The following NPAS3 variants were observed in gnomAD, a reference collection of about 807,000 sequenced individuals.
NPAS3 encodes the protein neuronal PAS domain protein 3.
In NPAS3, 14 loss-of-function variants were observed where a neutral mutation model predicts 73.1. That is an observed-to-expected ratio of 0.19 (90% CI 0.13 to 0.30). The LOEUF (loss-of-function observed/expected upper bound fraction) is 0.30. NPAS3 is among the 10% of genes least tolerant of loss of function. NPAS3 has a pLI of 1.00. For missense variants in NPAS3, 1,096 were observed against 1,250.0 expected (o/e 0.88, Z 1.86); for synonymous variants, 620 against 541.5 (o/e 1.14, Z -2.01).
At chr14:33,257,391 T>G (rs1481242974) in intron 3 of NPAS3, among the ~76,000 whole-genome samples, 4 of 152,280 alleles carry the variant, frequency 2.6e-5, no homozygotes, top group East Asian at 1.9e-4. Flanking sequence ...CTTTGGTAAT[T>G]TCCGTTCCCT....
chr14:33,228,230 T>TTCTA (rs1296021193), intron 3 of NPAS3, among the ~76,000 whole-genome samples: 1 of 152,218 alleles, frequency 6.6e-6, no homozygotes, highest in Non-Finnish European at 1.5e-5. Flanking sequence ...TTTGGGGGAA[T>TTCTA]TCTAGCATGT....
chr14:32,937,050 C>A (rs2035718909), upstream of NPAS3, among the ~76,000 whole-genome samples: 1 of 149,372 alleles, frequency 6.7e-6, no homozygotes, highest in African/African-American at 2.5e-5. Context: ...ATGTAGCCTT[C>A]TTTGATTTTG....
chr14:33,050,845 G>A (rs1033480010), intron 1 of NPAS3, among the ~76,000 whole-genome samples: 3 of 152,198 alleles, frequency 2.0e-5, no homozygotes, highest in African/African-American at 7.2e-5. Context: ...GTTATTAAAA[G>A]CTAATGTACT....
Position 33,026,874 on chromosome 14 carries a change from C to G in NPAS3, c.51-29031C>G, listed in dbSNP as rs182878076. 1.5e-3 allele frequency among the ~76,000 whole-genome samples: 234 copies of G among 152,278 alleles called. 1 individual carries two copies. The highest frequency in any genetic ancestry group is 4.7e-3 in the African/African-American group (197 of 41,552). ...GAGCTTGAGTTCCTCATCCTTCCCC[C>G]CTACACCCCTTTCCCTTTTTTCCCC... On this transcript the variant is annotated intron_variant, in intron 1 of 11. Transcript: ENST00000356141.
At chr14:33,543,841 G>C (rs922146497) in intron 4 of NPAS3, among the ~76,000 whole-genome samples, 1 of 151,716 alleles carries the variant, frequency 6.6e-6, no homozygotes, top group Admixed American at 6.6e-5. Context: ...TGCCATGAAA[G>C]AATGGGGTCC....
chr14:33,665,255 T>C (rs1283367406), intron 5 of NPAS3, among the ~76,000 whole-genome samples: 1 of 151,864 alleles, frequency 6.6e-6, no homozygotes, highest in Non-Finnish European at 1.5e-5. Context: ...TGAGAACACA[T>C]GGACACAGGG....
intron 1 of NPAS3, among the ~76,000 whole-genome samples, chr14:32,976,885 T>C (rs2037700141): frequency 6.6e-6 from 1 of 152,172 alleles, no homozygotes; most frequent in Admixed American, 6.6e-5. Flanking sequence ...CAGCTGTGAA[T>C]AGACTTACCT....
chr14:33,542,970 G>A (rs886213779), intron 4 of NPAS3, among the ~76,000 whole-genome samples: 3 of 152,176 alleles, frequency 2.0e-5, no homozygotes, highest in Non-Finnish European at 2.9e-5. Flanking sequence ...GGGGATGAAA[G>A]GCTTTAGCAT....
At chr14:33,664,310 A>G (rs1158391194) in intron 5 of NPAS3, among the ~76,000 whole-genome samples, 1 of 152,218 alleles carries the variant, frequency 6.6e-6, no homozygotes, top group African/African-American at 2.4e-5. Context: ...AAAACCGGCT[A>G]GCCATATGCA....
intron 5 of NPAS3, among the ~76,000 whole-genome samples, chr14:33,586,344 T>A (rs2056862344): frequency 6.6e-6 from 1 of 151,954 alleles, no homozygotes; most frequent in Non-Finnish European, 1.5e-5. Context: ...GATTAATTGA[T>A]TTACCCAAAT....
intron 4 of NPAS3, among the ~76,000 whole-genome samples, chr14:33,385,042 G>C (rs1252188790): frequency 6.6e-6 from 1 of 152,190 alleles, no homozygotes; most frequent in Non-Finnish European, 1.5e-5. Flanking sequence ...ACGTCATTGT[G>C]AATTTATTAC....
intron 5 of NPAS3, among the ~76,000 whole-genome samples, chr14:33,653,245 A>T (rs1269778034): frequency 6.6e-6 from 1 of 152,242 alleles, no homozygotes; most frequent in Non-Finnish European, 1.5e-5. Flanking sequence ...CGTATTGCTG[A>T]CAATGCCTTA....
chr14:33,593,595 T>A (rs749365079), intron 5 of NPAS3, among the ~76,000 whole-genome samples: 5 of 152,212 alleles, frequency 3.3e-5, no homozygotes, highest in Non-Finnish European at 7.3e-5. Context: ...ATAGGAGTCC[T>A]CACAAGTCCT....
chr14:33,082,542 A>C (rs761386734), intron 2 of NPAS3, among the ~76,000 whole-genome samples: 1 of 152,162 alleles, frequency 6.6e-6, no homozygotes, highest in Non-Finnish European at 1.5e-5. Context: ...TGTGAATTTT[A>C]TGTTGTGACG....
At chr14:32,953,667 A>G (rs1170026726) in intron 1 of NPAS3, among the ~76,000 whole-genome samples, 1 of 152,094 alleles carries the variant, frequency 6.6e-6, no homozygotes, top group Non-Finnish European at 1.5e-5. Context: ...GAGATGAAGG[A>G]CAGTTTATTA....
At chr14:32,976,516 G>A (rs983112635) in intron 1 of NPAS3, among the ~76,000 whole-genome samples, 1 of 152,154 alleles carries the variant, frequency 6.6e-6, no homozygotes, top group African/African-American at 2.4e-5. Flanking sequence ...TTAGAGGCCT[G>A]TTCTAGAAAA....
chr14:33,660,211 G>A (rs553954996), intron 5 of NPAS3, among the ~76,000 whole-genome samples: 2 of 152,300 alleles, frequency 1.3e-5, no homozygotes, highest in Admixed American at 6.5e-5. Flanking sequence ...AAAACCTGCT[G>A]TGTTCTCTCA....
intron 2 of NPAS3, among the ~76,000 whole-genome samples, chr14:33,182,153 A>G (rs529890057): frequency 1.3e-5 from 2 of 152,364 alleles, no homozygotes; most frequent in East Asian, 3.9e-4. Flanking sequence ...AATTGAATGA[A>G]TAAACCATAT....
At chr14:33,288,003 A>G (rs1014823585) in intron 3 of NPAS3, among the ~76,000 whole-genome samples, 8 of 151,860 alleles carry the variant, frequency 5.3e-5, no homozygotes, top group African/African-American at 1.9e-4. Context: ...CATATCTCTT[A>G]GTTGCACTAT....
Sources: allele counts gnomAD v4.1 joint callset (sites outside exome capture counted in the v4.1 genomes callset), GRCh38; gene constraint gnomAD v4.1.1; transcripts MANE v1.5; gene names NCBI Gene and HGNC (gene_info 2026-07-23, HGNC 2026-07-21).